Variants in CERS6 observed in about 807,000 individuals in gnomAD.
CERS6 encodes ceramide synthase 6.
In CERS6, 26 loss-of-function variants were observed where a neutral mutation model predicts 56.8. That is an observed-to-expected ratio of 0.46 (90% CI 0.34 to 0.63). CERS6 has a LOEUF of 0.63. Among genes scored for constraint, CERS6 ranks in the 30% least tolerant of loss-of-function variants. CERS6 has a pLI of 0.01. For synonymous variants in CERS6, 164 were observed against 173.3 expected (o/e 0.95, Z 0.42); for missense variants, 415 against 467.5 (o/e 0.89, Z 1.04).
chr2:168,769,571 C>T lies in CERS6; in HGVS notation c.1064C>T (p.Pro355Leu), dbSNP rs199916442. Residue 355 changes from proline to leucine, a missense_variant, in exon 10 of 10, where the codon CCG (proline) becomes CTG (leucine). Coordinates refer to ENST00000305747, the MANE Select transcript of CERS6 (RefSeq NM_203463.3). ...TCAGATGAGGAGGACTCAGAACCTCCGGGAAAGAATCCCCACACTGCGACA... is the reference window on the plus strand; with the variant it reads ...TCAGATGAGGAGGACTCAGAACCTCTGGGAAAGAATCCCCACACTGCGACA... ...SSSDEEDSEP[P>L]GKNPHTATTT... 72 of 1,612,494 alleles carry T rather than the reference C, an allele frequency of 4.5e-5. No homozygotes were observed. In the Middle Eastern group the frequency reaches 1.3e-3, roughly 30 times the overall value.
chr2:168,585,635 C>A (rs1323795280), intron 3 of CERS6, among the ~76,000 whole-genome samples: 4 of 152,160 alleles, frequency 2.6e-5, no homozygotes, highest in Non-Finnish European at 5.9e-5. Context: ...TACCTAGCAC[C>A]ACTGAAGTTT....
chr2:168,722,306 A>G (rs111758057), intron 8 of CERS6, among the ~76,000 whole-genome samples: 1 of 151,936 alleles, frequency 6.6e-6, no homozygotes, highest in Admixed American at 6.6e-5. Context: ...AAGTTTGTCT[A>G]TTTTTTCTTT....
intron 1 of CERS6, among the ~76,000 whole-genome samples, chr2:168,476,223 T>TA (rs1196116310): frequency 6.6e-6 from 1 of 151,872 alleles, no homozygotes; most frequent in South Asian, 2.1e-4. Context: ...TTTTTTTTTT[T>TA]AATCACCCTT....
chr2:168,655,191 T>A (rs1574132995), intron 4 of CERS6, among the ~76,000 whole-genome samples: 1 of 152,244 alleles, frequency 6.6e-6, no homozygotes, highest in Middle Eastern at 3.4e-3. Context: ...AGATACCACC[T>A]CACACCTCTT....
At chr2:168,644,051 A>G (rs1685111237) in intron 4 of CERS6, 1 of 978,970 alleles carries the variant, frequency 1.0e-6, no homozygotes, top group Non-Finnish European at 1.2e-6. Context: ...TAGCATAAAA[A>G]TCTTTCTGTG....
chr2:168,594,346 A>T (rs1683744396), intron 3 of CERS6, among the ~76,000 whole-genome samples: 1 of 152,158 alleles, frequency 6.6e-6, no homozygotes, highest in South Asian at 2.1e-4. Context: ...GCACTTTGGG[A>T]GGCTAAGGCA....
Position 168,493,734 on chromosome 2 carries a change from C to T in CERS6, c.170+37116C>T, listed in dbSNP as rs114475542. ...GTACTTGGTATTAGGTGGTTATTGTCAAAGTGATAAGACCAGGTTCCTGCA... is the reference window on the plus strand; with the variant it reads ...GTACTTGGTATTAGGTGGTTATTGTTAAAGTGATAAGACCAGGTTCCTGCA... On this transcript the variant is annotated intron_variant, in intron 1 of 9. Transcript: ENST00000305747. 4.9e-3 allele frequency among the ~76,000 whole-genome samples: 750 copies of T among 152,082 alleles called. 6 individuals carry two copies. The highest frequency in any genetic ancestry group is 0.014 in the Middle Eastern group (4 of 292).
intron 3 of CERS6, among the ~76,000 whole-genome samples, chr2:168,603,011 A>G (rs897223331): frequency 6.6e-6 from 1 of 152,216 alleles, no homozygotes; most frequent in Non-Finnish European, 1.5e-5. Context: ...TAGCTCAATT[A>G]TCAGCATCCC....
intron 3 of CERS6, among the ~76,000 whole-genome samples, chr2:168,581,509 G>C (rs775662199): frequency 1.2e-4 from 18 of 152,076 alleles, no homozygotes; most frequent in Non-Finnish European, 2.1e-4. Context: ...CCATATGTTA[G>C]ATGTCATCTG....
intron 4 of CERS6, among the ~76,000 whole-genome samples, chr2:168,673,936 G>T (rs1178218001): frequency 2.0e-5 from 3 of 151,974 alleles, no homozygotes; most frequent in Non-Finnish European, 4.4e-5. Context: ...GTCTTCCATG[G>T]CCATATGCGA....
At chr2:168,692,590 G>A (rs1157110981) in intron 5 of CERS6, among the ~76,000 whole-genome samples, 4 of 152,110 alleles carry the variant, frequency 2.6e-5, no homozygotes, top group Non-Finnish European at 4.4e-5. Flanking sequence ...GAAACACCAC[G>A]TGTATGGAAG....
At chr2:168,485,546 A>G (rs1694261116) in intron 1 of CERS6, among the ~76,000 whole-genome samples, 3 of 152,052 alleles carry the variant, frequency 2.0e-5, no homozygotes, top group Admixed American at 2.0e-4. Flanking sequence ...TGATCTTTTT[A>G]CCATATCTAT....
In CERS6 at chr2:168,774,767, T is replaced by G. The variant is rs534210218; in HGVS notation, c.*5105T>G. Reference sequence around the variant, plus strand: ...CTGAGTTTGATTTCCCAAAGTTTCATAAAGCCCCTAAGCTCATGATTTTCA... The same window carrying G: ...CTGAGTTTGATTTCCCAAAGTTTCAGAAAGCCCCTAAGCTCATGATTTTCA... On this transcript the variant is annotated 3_prime_UTR_variant, in exon 10 of 10. Coordinates refer to ENST00000305747, the MANE Select transcript of CERS6 (RefSeq NM_203463.3). The G allele has an allele frequency of 6.6e-6, 1 of 152,312 alleles. No individual in the cohort carries two copies. The highest frequency in any genetic ancestry group is 1.9e-4 in the East Asian group (1 of 5,190). The allele number at this position is 152,312 out of a possible 1,614,324, so 9.4% of individuals were successfully genotyped here.
At position 168,559,733 on chromosome 2, in the gene CERS6, T is replaced by TTTTTTATATATATATATATATATATA. The variant is rs61031993; in HGVS notation, c.277-1459_277-1458insTTTTTATATATATATATATATATATA. 6.5e-4 allele frequency among the ~76,000 whole-genome samples: 43 copies of TTTTTTATATATATATATATATATATA among 66,280 alleles called. 2 individuals are homozygous for TTTTTTATATATATATATATATATATA. Among genetic ancestry groups the TTTTTTATATATATATATATATATATA allele is most frequent in the East Asian group, 5.7e-3 (14 of 2,472 alleles). 43.5% of individuals were successfully genotyped at this position (66,280 alleles called of 152,430 possible). On this transcript the variant is annotated intron_variant, in intron 2 of 9. Coordinates refer to ENST00000305747, the MANE Select transcript of CERS6 (RefSeq NM_203463.3). ...TGCTTGAGCTGCTTTTAGAAAGGTA[T>TTTTTTATATATATATATATATATATA]CATATATATATATATATATATTTCA...
At chr2:168,458,297 G>T (rs941267382) in intron 1 of CERS6, among the ~76,000 whole-genome samples, 5 of 152,184 alleles carry the variant, frequency 3.3e-5, no homozygotes, top group African/African-American at 1.2e-4. Flanking sequence ...ATGTGTTGGA[G>T]AACAAAAGCA....
chr2:168,472,479 A>G (rs933688719), intron 1 of CERS6, among the ~76,000 whole-genome samples: 8 of 152,216 alleles, frequency 5.3e-5, no homozygotes, highest in Admixed American at 1.3e-4. Context: ...CATTACCAAT[A>G]GAACCTTCTT....
chr2:168,556,807 G>A (rs1351270699), intron 2 of CERS6, among the ~76,000 whole-genome samples: 1 of 151,892 alleles, frequency 6.6e-6, no homozygotes, highest in Non-Finnish European at 1.5e-5. Context: ...TTAGTACAAA[G>A]TTAATAACCA....
intron 3 of CERS6, among the ~76,000 whole-genome samples, chr2:168,572,936 T>A (rs1696017473): frequency 6.6e-6 from 1 of 152,158 alleles, no homozygotes; most frequent in African/African-American, 2.4e-5. Context: ...TTGAAGTGAA[T>A]CTCTAGGGAC....
intron 3 of CERS6, among the ~76,000 whole-genome samples, chr2:168,604,800 A>G (rs761733106): frequency 6.6e-6 from 1 of 152,128 alleles, no homozygotes; most frequent in Non-Finnish European, 1.5e-5. Flanking sequence ...AGTAGCAGCC[A>G]CTGTGCTTCC....
Sources: gnomAD v4.1 joint callset for allele counts (sites outside exome capture counted in the v4.1 genomes callset) on GRCh38, gnomAD v4.1.1 for gene constraint, MANE v1.5 for transcripts, NCBI Gene and HGNC (gene_info 2026-07-23, HGNC 2026-07-21) for gene names.